Variants in ABCB4 observed in about 807,000 individuals in gnomAD.
ABCB4 encodes phosphatidylcholine translocator ABCB4.
Under a neutral mutation model 145.7 loss-of-function variants are expected in ABCB4, and 76 were observed. That is an observed-to-expected ratio of 0.52 (90% CI 0.43 to 0.63). ABCB4 has a LOEUF of 0.63. ABCB4 is among the 30% of genes least tolerant of loss of function. The pLI is 0.00. For synonymous variants in ABCB4, 517 were observed against 566.8 expected (o/e 0.91, Z 1.25); for missense variants, 1,234 against 1,553.1 (o/e 0.79, Z 3.45).
chr7:87,373,871 C>T, the ABCB4 span, among the ~76,000 whole-genome samples: 63 of 152,020 alleles, frequency 4.1e-4, no homozygotes, highest in Middle Eastern at 0.02. Flanking sequence ...CGTATGGAGA[C>T]GACAATGGGA....
At chr7:87,446,344 A>T (rs1811341926) in intron 9 of ABCB4, among the ~76,000 whole-genome samples, 1 of 152,200 alleles carries the variant, frequency 6.6e-6, no homozygotes, top group African/African-American at 2.4e-5. Context: ...GTCACAAAAT[A>T]TTGGTAGTTC....
intron 26 of ABCB4, 155 bp from the exon 27 acceptor site, chr7:87,403,436 A>C: frequency 1.5e-6 from 1 of 678,376 alleles, no homozygotes; most frequent in Non-Finnish European, 2.5e-6. Flanking sequence ...CTAGAAAACT[A>C]GTGACTTTAA....
chr7:87,454,376 T>A (rs1394517967), intron 5 of ABCB4, among the ~76,000 whole-genome samples, 159 bp downstream of exon 5: 6 of 152,230 alleles, frequency 3.9e-5, no homozygotes, highest in African/African-American at 1.4e-4. Context: ...AGGGCCATGA[T>A]GTGTGCATCT....
chr7:87,471,507 AAGAGG>A (rs1318233264), intron 3 of ABCB4, among the ~76,000 whole-genome samples: 1 of 152,232 alleles, frequency 6.6e-6, no homozygotes, highest in African/African-American at 2.4e-5. Context: ...CAAATAAAAA[AAGAGG>A]AGAGAAGACA....
At chr7:87,422,074 T>TAGAGA in intron 18 of ABCB4, 47 bp downstream of exon 18, 6 of 1,308,040 alleles carry the variant, frequency 4.6e-6, no homozygotes, top group African/African-American at 1.5e-5. Context: ...TTAATTTCTC[T>TAGAGA]AATTAAATTA....
chr7:87,447,252 C>T (rs1042383108), intron 8 of ABCB4, 47 bp from the exon 9 acceptor site: 14 of 1,578,278 alleles, frequency 8.9e-6, no homozygotes, highest in Non-Finnish European at 1.2e-5. Context: ...GAATAACAAT[C>T]CATAGTCCGA....
At chr7:87,437,407 T>C (rs1810680499) in intron 14 of ABCB4, among the ~76,000 whole-genome samples, 1 of 152,216 alleles carries the variant, frequency 6.6e-6, no homozygotes, top group African/African-American at 2.4e-5. Context: ...TGCAGCCATG[T>C]GCTCAGGTGG....
chr7:87,391,804 T>C, the ABCB4 span: 1 of 1,279,712 alleles, frequency 7.8e-7, no homozygotes, highest in Middle Eastern at 2.2e-4. Context: ...TTGCTTCAGT[T>C]TTCCTGGATC....
chr7:87,421,205 G>A (rs767239868), intron 18 of ABCB4, among the ~76,000 whole-genome samples: 21 of 152,182 alleles, frequency 1.4e-4, no homozygotes, highest in Non-Finnish European at 8.8e-5. Flanking sequence ...TGGGGTAGCC[G>A]TGCCGAGGGC....
downstream of ABCB4, chr7:87,398,692 G>A (rs1372970324): frequency 9.6e-6 from 15 of 1,570,500 alleles, no homozygotes; most frequent in African/African-American, 1.4e-5. Context: ...ATTAAACTGA[G>A]TGCTGGGAGT....
the ABCB4 span, among the ~76,000 whole-genome samples, chr7:87,395,481 C>T: frequency 9.2e-5 from 14 of 152,180 alleles, no homozygotes; most frequent in Non-Finnish European, 2.9e-5. Flanking sequence ...AAGCAAGCAT[C>T]AGGCTTTAAG....
the ABCB4 span, among the ~76,000 whole-genome samples, chr7:87,396,134 G>A: frequency 2.0e-4 from 30 of 152,308 alleles, no homozygotes; most frequent in East Asian, 5.4e-3. Context: ...AGGATTTCAA[G>A]GTATGGATGT....
chr7:87,395,196 C>T, the ABCB4 span, among the ~76,000 whole-genome samples: 1 of 152,166 alleles, frequency 6.6e-6, no homozygotes, highest in South Asian at 2.1e-4. Flanking sequence ...TAGAGTCCAA[C>T]GTTCAAGGCC....
the ABCB4 span, chr7:87,377,295 T>C: frequency 3.6e-6 from 4 of 1,106,098 alleles, no homozygotes; most frequent in South Asian, 1.4e-5. Context: ...AGATGTAAAT[T>C]CTTACAAACC....
intron 10 of ABCB4, 38 bp from the exon 11 acceptor site, chr7:87,443,811 C>G: frequency 3.3e-6 from 5 of 1,505,012 alleles, no homozygotes; most frequent in Non-Finnish European, 4.6e-6. Context: ...TCCATCATAG[C>G]ACAAACAAGT....
At chr7:87,424,455 C>T (rs1809673161) in intron 16 of ABCB4, among the ~76,000 whole-genome samples, 1 of 152,126 alleles carries the variant, frequency 6.6e-6, no homozygotes, top group South Asian at 2.1e-4. Flanking sequence ...TACAGTCCTG[C>T]CTCTCTAACA....
the ABCB4 span, among the ~76,000 whole-genome samples, chr7:87,394,164 G>A: frequency 2.6e-5 from 4 of 152,224 alleles, no homozygotes; most frequent in East Asian, 7.7e-4. Flanking sequence ...AATTAACTGT[G>A]GTACACACTG....
At chr7:87,390,823 G>A in the ABCB4 span, among the ~76,000 whole-genome samples, 20 of 152,292 alleles carry the variant, frequency 1.3e-4, no homozygotes, top group East Asian at 1.7e-3. Context: ...ACCCCAAAAC[G>A]TAGTGGCTTA....
intron 3 of ABCB4, among the ~76,000 whole-genome samples, chr7:87,469,068 C>T (rs1432941546): frequency 6.6e-6 from 1 of 152,168 alleles, no homozygotes; most frequent in Non-Finnish European, 1.5e-5. Context: ...GCTGGTTCAA[C>T]ATACACAAAT....
Sources: allele counts gnomAD v4.1 joint callset (sites outside exome capture counted in the v4.1 genomes callset), GRCh38; gene constraint gnomAD v4.1.1; transcripts MANE v1.5; gene names NCBI Gene and HGNC (gene_info 2026-07-23, HGNC 2026-07-21).